The following EPHB2 variants were observed in gnomAD, a reference collection of about 807,000 sequenced individuals.
EPHB2 encodes the protein EPH receptor B2.
EPHB2 carries 18 observed loss-of-function variants against 96.4 expected under a neutral mutation model. The observed-to-expected ratio is 0.19, with a 90% CI of 0.13 to 0.28. The LOEUF (loss-of-function observed/expected upper bound fraction) is 0.28, where lower values mean the gene tolerates loss of function less well. Among genes scored for constraint, EPHB2 ranks in the 10% least tolerant of loss-of-function variants. The probability of loss-of-function intolerance (pLI) is 1.00; values close to 1 mark genes in which losing one functional copy is unlikely to be tolerated. For synonymous variants in EPHB2, 506 were observed against 534.1 expected (o/e 0.95, Z 0.72); for missense variants, 989 against 1,355.4 (o/e 0.73, Z 4.25).
rs367991843 is a variant in EPHB2, at chr1:22,842,434, CT to C, written c.812-20602del. Among the ~76,000 whole-genome samples the C allele has an allele frequency of 2.9e-3, 441 of 152,280 alleles. 2 individuals are homozygous for C. Among genetic ancestry groups the C allele is most frequent in the African/African-American group, 9.7e-3 (405 of 41,546 alleles). ...TAGATCTGACCGCCCCTTTCCACCC[CT>C]CACTGTCACCACCCTGTCCATCCAT... On this transcript the variant is annotated intron_variant, in intron 3 of 15. Transcript: ENST00000374630.
chr1:22,912,919 G>A (rs1640154747), intron 15 of EPHB2: 2 of 395,188 alleles, frequency 5.1e-6, no homozygotes, highest in Non-Finnish European at 9.7e-6. Context: ...TGGCAGCCGG[G>A]CACAGTGGCT....
At chr1:22,796,234 C>T (rs1178375809) in intron 3 of EPHB2, among the ~76,000 whole-genome samples, 1 of 151,998 alleles carries the variant, frequency 6.6e-6, no homozygotes, top group Non-Finnish European at 1.5e-5. Flanking sequence ...ATTAGGACGA[C>T]GGGGAGAAAC....
chr1:22,740,707 C>T (rs962723800), intron 1 of EPHB2, among the ~76,000 whole-genome samples: 3 of 152,202 alleles, frequency 2.0e-5, no homozygotes, highest in African/African-American at 7.2e-5. Flanking sequence ...TTTACTCCCA[C>T]TCTTCCCTCT....
At chr1:22,827,386 A>C (rs1423493538) in intron 3 of EPHB2, among the ~76,000 whole-genome samples, 1 of 152,232 alleles carries the variant, frequency 6.6e-6, no homozygotes, top group Non-Finnish European at 1.5e-5. Flanking sequence ...CCGCAGGAGC[A>C]GGTGGAAGAG....
In EPHB2 at chr1:22,916,003, A is replaced by G. The variant is rs1640256696; in HGVS notation, c.*2433A>G. The G allele has an allele frequency of 6.6e-6, 1 of 152,462 alleles. No homozygotes were observed. Among genetic ancestry groups the G allele is most frequent in the Non-Finnish European group, 1.5e-5 (1 of 68,226 alleles). The allele number at this position is 152,462 out of a possible 1,614,324, so 9.4% of individuals were successfully genotyped here. Reference sequence around the variant, plus strand: ...TCCGGGAGCCTGAGCTGCAAAGGGAAGGAAGGGATTAGAGAGAAGTGTGGG... The same window carrying G: ...TCCGGGAGCCTGAGCTGCAAAGGGAGGGAAGGGATTAGAGAGAAGTGTGGG... On this transcript the variant is annotated 3_prime_UTR_variant, in exon 16 of 16. Coordinates refer to ENST00000374630, the MANE Select transcript of EPHB2 (RefSeq NM_017449.5). The surrounding 1 kb of genome is among the most constrained non-coding windows in gnomAD (Gnocchi z 4.2).
chr1:22,895,514 T>C lies in EPHB2; in HGVS notation c.1634T>C (p.Ile545Thr). ...ATCCAGGAGAAGTTGCCACTCATCA[T>C]CGGCTCCTCGGCCGCTGGCCTGGTC... Reference protein sequence around the residue: ...TSIQEKLPLIIGSSAAGLVFL... With the variant: ...TSIQEKLPLITGSSAAGLVFL... The change falls in exon 8 of 16, where the codon ATC becomes ACC. Residue 545 changes from isoleucine (I) to threonine (T), a missense_variant. Transcript: ENST00000374630. 2 of 1,614,250 alleles carry C rather than the reference T, an allele frequency of 1.2e-6. No homozygotes were observed. The highest frequency in any genetic ancestry group is 2.2e-5 in the South Asian group (2 of 91,086).
In EPHB2 at chr1:22,913,669, C is replaced by T. The variant is rs770814522; in HGVS notation, c.*99C>T. 5.0e-6 allele frequency: 8 copies of T among 1,603,082 alleles called. No homozygotes were observed. Among genetic ancestry groups the T allele is most frequent in the East Asian group, 2.2e-5 (1 of 44,480 alleles). On this transcript the variant is annotated 3_prime_UTR_variant, in exon 16 of 16. Transcript: ENST00000374630. The surrounding 1 kb of genome is among the most constrained non-coding windows in gnomAD (Gnocchi z 4.1). ...TCTATCCACTGCAGGGCCAGCCACTCGCCAGGAGGCCACGGGCCACGGGAA... is the reference window on the plus strand; with the variant it reads ...TCTATCCACTGCAGGGCCAGCCACTTGCCAGGAGGCCACGGGCCACGGGAA...
intron 1 of EPHB2, among the ~76,000 whole-genome samples, chr1:22,719,230 G>A (rs1643373241): frequency 6.6e-6 from 1 of 152,094 alleles, no homozygotes; most frequent in African/African-American, 2.4e-5. Flanking sequence ...CATCCTGAAA[G>A]GGGCAGGAGC....
At chr1:22,865,258 G>A (rs369593926) in intron 5 of EPHB2, 46 bp downstream of exon 5, 22 of 1,606,154 alleles carry the variant, frequency 1.4e-5, no homozygotes, top group Non-Finnish European at 1.9e-5. Context: ...ATCGCGCTGT[G>A]CCAGGGAGGG....
intron 8 of EPHB2, 95 bp downstream of exon 8, chr1:22,895,675 G>A (rs1639536371): frequency 2.5e-6 from 3 of 1,192,892 alleles, no homozygotes; most frequent in Admixed American, 3.7e-5. Context: ...GTGAACCGAG[G>A]AGGCATTCTC....
chr1:22,792,911 C>T (rs1644715072), intron 3 of EPHB2, among the ~76,000 whole-genome samples: 1 of 152,178 alleles, frequency 6.6e-6, no homozygotes, highest in Non-Finnish European at 1.5e-5. Flanking sequence ...CCAGCCCATC[C>T]AGGGGAGCGT....
At chr1:22,890,848 T>A (rs1330543941) in intron 6 of EPHB2, among the ~76,000 whole-genome samples, 1 of 152,206 alleles carries the variant, frequency 6.6e-6, no homozygotes, top group Non-Finnish European at 1.5e-5. Context: ...TGAAGAAGTA[T>A]GTGTTTGCTT....
intron 1 of EPHB2, among the ~76,000 whole-genome samples, chr1:22,761,212 A>G (rs1303325571): frequency 6.6e-6 from 1 of 152,240 alleles, no homozygotes; most frequent in Admixed American, 6.5e-5. Context: ...ATGCACAGCC[A>G]GCTGCTACCC....
intron 3 of EPHB2, among the ~76,000 whole-genome samples, chr1:22,861,733 G>A (rs1466109442): frequency 1.3e-5 from 2 of 152,212 alleles, no homozygotes; most frequent in African/African-American, 4.8e-5. Flanking sequence ...AGGGTTGAGG[G>A]AGGGTGGTTT....
At chr1:22,741,682 AAAAAAAC>A (rs1219443224) in intron 1 of EPHB2, among the ~76,000 whole-genome samples, 2 of 141,858 alleles carry the variant, frequency 1.4e-5, no homozygotes, top group East Asian at 4.1e-4. Context: ...TTCCCAGCAA[AAAAAAAC>A]AAAAAAACAA....
intron 3 of EPHB2, among the ~76,000 whole-genome samples, chr1:22,816,793 A>G (rs574350954): frequency 1.1e-4 from 16 of 152,332 alleles, no homozygotes; most frequent in Non-Finnish European, 2.2e-4. Context: ...GTCTAAAGTG[A>G]TGAGGCTAAT....
At chr1:22,912,715 G>T in intron 15 of EPHB2, 116 bp downstream of exon 15, 1 of 1,520,082 alleles carries the variant, frequency 6.6e-7, no homozygotes, top group South Asian at 1.2e-5. Flanking sequence ...AGGGAAGCAG[G>T]GACCAAGGGG....
chr1:22,864,440 C>T (rs1366938213), intron 4 of EPHB2, among the ~76,000 whole-genome samples: 4 of 152,176 alleles, frequency 2.6e-5, no homozygotes, highest in Admixed American at 6.5e-5. Context: ...CAAAGGGACA[C>T]GCCATAGCTG....
At chr1:22,714,706 G>A (rs1158854473) in intron 1 of EPHB2, among the ~76,000 whole-genome samples, 4 of 152,184 alleles carry the variant, frequency 2.6e-5, no homozygotes, top group South Asian at 2.1e-4. Context: ...GTGTGGTGAC[G>A]TTCAGATGAG....
Sources: gnomAD v4.1 joint callset for allele counts (sites outside exome capture counted in the v4.1 genomes callset) on GRCh38, gnomAD v4.1.1 for gene constraint, Gnocchi (gnomAD v3.1) non-coding constraint, MANE v1.5 for transcripts, NCBI Gene and HGNC (gene_info 2026-07-23, HGNC 2026-07-21) for gene names.